Variants in PARP4 observed in about 807,000 individuals in gnomAD.
The protein encoded by PARP4 is protein mono-ADP-ribosyltransferase PARP4.
In PARP4, 120 loss-of-function variants were observed where a neutral mutation model predicts 187.7. The observed-to-expected ratio is 0.64, with a 90% CI of 0.55 to 0.74. PARP4 has a LOEUF of 0.74. Among genes scored for constraint, PARP4 ranks in the 30% least tolerant of loss-of-function variants. The probability of loss-of-function intolerance (pLI) is 0.00; values close to 1 mark genes in which losing one functional copy is unlikely to be tolerated. For missense variants in PARP4, 1,836 were observed against 2,070.5 expected (o/e 0.89, Z 2.20); for synonymous variants, 654 against 740.9 (o/e 0.88, Z 1.90).
At chr13:24,468,321 C>A (rs577505223) in intron 17 of PARP4, among the ~76,000 whole-genome samples, 3 of 152,046 alleles carry the variant, frequency 2.0e-5, no homozygotes, top group African/African-American at 7.2e-5. Context: ...GAGGACCCGG[C>A]AGAAATGCCT....
intron 24 of PARP4, among the ~76,000 whole-genome samples, chr13:24,450,652 T>C (rs1871462618): frequency 6.6e-6 from 1 of 152,202 alleles, no homozygotes; most frequent in Admixed American, 6.5e-5. Context: ...GGAGGGCTGA[T>C]GGTCTCTACC....
chr13:24,464,095 G>A (rs7139725), intron 17 of PARP4, among the ~76,000 whole-genome samples: 10 of 151,886 alleles, frequency 6.6e-5, no homozygotes, highest in African/African-American at 2.2e-4. Flanking sequence ...AGCAAGGGAA[G>A]TGAAGGACCT....
At chr13:24,477,045 A>G (rs2137509937) in intron 14 of PARP4, among the ~76,000 whole-genome samples, 1 of 152,206 alleles carries the variant, frequency 6.6e-6, no homozygotes, top group South Asian at 2.1e-4. Context: ...ACCCCATTAC[A>G]CTTTCTGCAC....
rs113002264 is a variant in PARP4, at chr13:24,425,605, C to CTATATATATATATATA, written c.4979+860_4979+861insTATATATATATATATA. On this transcript the variant is annotated intron_variant, in intron 33 of 33. Transcript: ENST00000381989. ...TCTATATCTATATCTATATCTATAT[C>CTATATATATATATATA]TATATATCTCAGAGGGATCCTACTC... Among the ~76,000 whole-genome samples the CTATATATATATATATA allele has an allele frequency of 1.4e-3, 204 of 146,960 alleles. 2 individuals carry two copies. Among genetic ancestry groups the CTATATATATATATATA allele is most frequent in the African/African-American group, 5.1e-3 (200 of 38,908 alleles).
chr13:24,492,447 A>T lies in PARP4; in HGVS notation c.1027T>A (p.Leu343Met), dbSNP rs765201472. ...TMPKEVNLGLLAKKADLCQLI... is the reference protein window; with the variant it reads ...TMPKEVNLGLMAKKADLCQLI... ...TGGCAGAGGTCTGCTTTCTTAGCCAATAGTCCCAGGTTCACTTCTTTGGGC... is the reference window on the plus strand; with the variant it reads ...TGGCAGAGGTCTGCTTTCTTAGCCATTAGTCCCAGGTTCACTTCTTTGGGC... The change falls in exon 9 of 34, where the codon TTG becomes ATG. Residue 343 changes from leucine (L) to methionine (M), a missense_variant. Leu to Met is a conservative substitution (Grantham distance 15, BLOSUM62 2). This residue lies in a region of PARP4 where 1,147 missense variants were observed against 1,214.2 expected (regional missense o/e 0.94). Transcript: ENST00000381989. The T allele has an allele frequency of 3.1e-6, 5 of 1,613,764 alleles. No homozygotes were observed. The highest frequency in any genetic ancestry group is 3.4e-6 in the Non-Finnish European group (4 of 1,179,844).
At chr13:24,488,480 A>G (rs1868448340) in intron 10 of PARP4, among the ~76,000 whole-genome samples, 1 of 152,032 alleles carries the variant, frequency 6.6e-6, no homozygotes, top group South Asian at 2.1e-4. Flanking sequence ...CAGCCCCTGG[A>G]GTAACTGGAA....
chr13:24,456,346 T>A lies in PARP4; in HGVS notation c.2557A>T (p.Ser853Cys). Reference sequence around the variant, plus strand: ...CTAAGTAAAAAGGAGTATACCTCGCTTTCTTTTTCTGGATGTTTTTCAACC... The same window carrying A: ...CTAAGTAAAAAGGAGTATACCTCGCATTCTTTTTCTGGATGTTTTTCAACC... ...MWVEKHPEKE[S>C]EACMLVFQPD... is the part of the protein sequence containing the mutation. The change falls in exon 21 of 34, where the codon AGC (serine) becomes TGC (cysteine). Residue 853 changes from serine to cysteine, a missense_variant. Physicochemically the swap from Ser to Cys is moderately radical, Grantham distance 112. Transcript: ENST00000381989. The A allele has an allele frequency of 1.2e-6, 2 of 1,607,384 alleles. No individual in the cohort carries two copies.
At chr13:24,440,419 T>TAAAAAAAAA (rs71070698) in intron 30 of PARP4, among the ~76,000 whole-genome samples, 1 of 126,190 alleles carries the variant, frequency 7.9e-6, no homozygotes, top group African/African-American at 3.0e-5. Flanking sequence ...AAATTAAAAT[T>TAAAAAAAAA]AAAAAAAAAA....
In PARP4 at chr13:24,455,480, A is replaced by AATATATATATATATATATATATATAT. The variant is rs57015283; in HGVS notation, c.2563-294_2563-269dup. Reference sequence around the variant, plus strand: ...CATATAGCATCAACATTATGGAACAAATATATATATATATATATATATATA... The same window carrying AATATATATATATATATATATATATAT: ...CATATAGCATCAACATTATGGAACAAATATATATATATATATATATATATATATATATATATATATATATATATATA... On this transcript the variant is annotated intron_variant, in intron 21 of 33. Transcript: ENST00000381989. Among the ~76,000 whole-genome samples, 435 of 108,088 alleles carry AATATATATATATATATATATATATAT rather than the reference A, an allele frequency of 4.0e-3. 11 individuals are homozygous for AATATATATATATATATATATATATAT. Among genetic ancestry groups the AATATATATATATATATATATATATAT allele is most frequent in the Admixed American group, 7.0e-3 (67 of 9,616 alleles). 70.9% of individuals were successfully genotyped at this position (108,088 alleles called of 152,430 possible).
chr13:24,439,932 A>G (rs1870832308), intron 30 of PARP4, among the ~76,000 whole-genome samples: 1 of 152,214 alleles, frequency 6.6e-6, no homozygotes. Flanking sequence ...GTGGGAGCCC[A>G]CGATGTTGCC....
At chr13:24,456,257 A>C (rs1871846085) in intron 21 of PARP4, 84 bp downstream of exon 21, 2 of 1,075,826 alleles carry the variant, frequency 1.9e-6, no homozygotes, top group South Asian at 3.7e-5. Flanking sequence ...TTTTCAGGAC[A>C]ATCAATAATT....
At chr13:24,464,244 T>C (rs1182559860) in intron 17 of PARP4, among the ~76,000 whole-genome samples, 3 of 152,172 alleles carry the variant, frequency 2.0e-5, no homozygotes, top group Admixed American at 6.5e-5. Context: ...ATAGCTTCAA[T>C]GCTACTCCTA....
chr13:24,504,649 T>C (rs1049779419), intron 1 of PARP4, among the ~76,000 whole-genome samples: 1 of 152,132 alleles, frequency 6.6e-6, no homozygotes, highest in Non-Finnish European at 1.5e-5. Context: ...AAATGTGTAT[T>C]TAACAATAAA....
At chr13:24,459,641 G>A (rs1450924298) in intron 18 of PARP4, among the ~76,000 whole-genome samples, 2 of 152,044 alleles carry the variant, frequency 1.3e-5, no homozygotes, top group Non-Finnish European at 2.9e-5. Context: ...TTAACTCTGG[G>A]CAATGGGATA....
chr13:24,480,054 C>G (rs1451246213), intron 12 of PARP4, among the ~76,000 whole-genome samples: 1 of 149,108 alleles, frequency 6.7e-6, no homozygotes, highest in Non-Finnish European at 1.5e-5. Flanking sequence ...GGAAGAAACT[C>G]CGAACACATC....
At chr13:24,441,272 G>C (rs1192496235) in intron 30 of PARP4, among the ~76,000 whole-genome samples, 1 of 152,186 alleles carries the variant, frequency 6.6e-6, no homozygotes, top group Non-Finnish European at 1.5e-5. Context: ...CCAAAGTGCT[G>C]GGATTACAGG....
chr13:24,460,309 C>T (rs952209639), intron 17 of PARP4, among the ~76,000 whole-genome samples, 173 bp from the exon 18 acceptor site: 3 of 152,248 alleles, frequency 2.0e-5, no homozygotes, highest in Admixed American at 2.0e-4. Flanking sequence ...ATCCTGGAGC[C>T]ATTCACCAGT....
chr13:24,469,068 C>T lies in PARP4; in HGVS notation c.2089G>A (p.Val697Met), dbSNP rs772737337. ...AGGTAAGCGCCATGGCCCTGGGTCA[C>T]GGCTTCTAGGTACTCTTGCTGGGCT... is the stretch of plus-strand genomic sequence containing the variant. ...EEAQQEYLEA[V>M]TQGHGAYLMS... Residue 697 changes from valine to methionine, a missense_variant, in exon 17 of 34, where the codon GTG becomes ATG. Transcript: ENST00000381989. The T allele has an allele frequency of 4.2e-5, 68 of 1,613,812 alleles. No homozygotes were observed. The highest frequency in any genetic ancestry group is 3.2e-4 in the South Asian group (29 of 91,078).
At position 24,455,072 on chromosome 13, in the gene PARP4, A is replaced by G. The variant is rs74543435; in HGVS notation, c.2703T>C (p.His901=). ...TFLQAKQIAL[H]ALSLVGEKQK... ...GCTTCTCACCCACCAAGGACAGCGC[A>G]TGCAAGGCGATTTGCTTGGCTTGCA... The change falls in exon 22 of 34, where the codon CAT becomes CAC. Residue 901 remains histidine (H), a synonymous_variant. Coordinates refer to ENST00000381989, the MANE Select transcript of PARP4 (RefSeq NM_006437.4). 4,332 of 1,613,364 alleles carry G rather than the reference A, an allele frequency of 2.7e-3. 97 individuals are homozygous for G. In the African/African-American group the frequency reaches 0.048, roughly 18 times the overall value.
Sources: allele counts gnomAD v4.1 joint callset (sites outside exome capture counted in the v4.1 genomes callset), GRCh38; gene constraint gnomAD v4.1.1; regional missense constraint gnomAD v4.1.1; transcripts MANE v1.5; gene names NCBI Gene and HGNC (gene_info 2026-07-23, HGNC 2026-07-21).